ESRP1: variants seen among roughly 807,000 people sequenced by gnomAD.
The protein encoded by ESRP1 is epithelial splicing regulatory protein 1.
ESRP1 carries 33 observed loss-of-function variants against 81.7 expected under a neutral mutation model. The observed-to-expected ratio is 0.40, with a 90% CI of 0.31 to 0.54. The LOEUF (loss-of-function observed/expected upper bound fraction) is 0.54, where lower values mean the gene tolerates loss of function less well. Ranked by LOEUF, ESRP1 falls within the 20% of genes least tolerant of loss-of-function variation. The pLI is 0.41. For synonymous variants in ESRP1, 320 were observed against 303.3 expected (o/e 1.06, Z -0.57); for missense variants, 672 against 833.1 (o/e 0.81, Z 2.38).
chr8:94,692,700 T>C lies in ESRP1; in HGVS notation c.1844T>C (p.Leu615Pro). Residue 615 changes from leucine (L) to proline (P), a missense_variant, in exon 14 of 16, where the codon CTT (leucine) becomes CCT (proline). By Grantham distance (98) the Leu-to-Pro change is moderately conservative. Transcript: ENST00000433389. ...YPSPPGSPNS[L>P]GYFPTAANLS... Reference sequence around the variant, plus strand: ...AGCCCCCCAGGTTCGCCTAATAGTCTTGGCTACTTCCCTACAGCTGCTAAT... The same window carrying C: ...AGCCCCCCAGGTTCGCCTAATAGTCCTGGCTACTTCCCTACAGCTGCTAAT... The C allele has an allele frequency of 3.7e-6, 6 of 1,613,990 alleles. No homozygotes were observed. Among genetic ancestry groups the C allele is most frequent in the Non-Finnish European group, 5.1e-6 (6 of 1,179,876 alleles).
At position 94,689,811 on chromosome 8, in the gene ESRP1, C is replaced by CTTTTTTTTTTTTTTTTTT. The variant is rs58359551; in HGVS notation, c.1821-2858_1821-2841dup. Among the ~76,000 whole-genome samples the CTTTTTTTTTTTTTTTTTT allele has an allele frequency of 4.0e-3, 259 of 64,590 alleles. 19 individuals are homozygous for CTTTTTTTTTTTTTTTTTT. Among genetic ancestry groups the CTTTTTTTTTTTTTTTTTT allele is most frequent in the Non-Finnish European group, 5.5e-3 (185 of 33,622 alleles). 42.4% of individuals were successfully genotyped at this position (64,590 alleles called of 152,430 possible). Reference sequence around the variant, plus strand: ...CACAGGCATGTGCTATGATGCCTGGCTTTTTTTTTTTTTTTTTTTTTTTTT... The same window carrying CTTTTTTTTTTTTTTTTTT: ...CACAGGCATGTGCTATGATGCCTGGCTTTTTTTTTTTTTTTTTTTTTTTTTTTTTTTTTTTTTTTTTTT... On this transcript the variant is annotated intron_variant, in intron 13 of 15. Coordinates refer to ENST00000433389, the MANE Select transcript of ESRP1 (RefSeq NM_017697.4).
At chr8:94,674,948 A>ATT (rs139220933) in intron 12 of ESRP1, among the ~76,000 whole-genome samples, 1 of 152,192 alleles carries the variant, frequency 6.6e-6, no homozygotes, top group African/African-American at 2.4e-5. Flanking sequence ...AGCATCAAGT[A>ATT]TTTTTTTAAC....
intron 11 of ESRP1, among the ~76,000 whole-genome samples, chr8:94,673,028 A>G (rs974561367): frequency 3.3e-5 from 5 of 152,236 alleles, no homozygotes; most frequent in Non-Finnish European, 7.3e-5. Context: ...ACCATTGGAT[A>G]CAAGGAATCA....
chr8:94,704,776 A>AGG (rs1809994498), intron 15 of ESRP1, among the ~76,000 whole-genome samples: 11 of 130,920 alleles, frequency 8.4e-5, no homozygotes, highest in Non-Finnish European at 3.0e-5. Context: ...GAAAAAAAAA[A>AGG]AAAAAAAAAA....
chr8:94,704,398 T>C (rs1339181523), intron 15 of ESRP1, among the ~76,000 whole-genome samples: 1 of 152,040 alleles, frequency 6.6e-6, no homozygotes, highest in Non-Finnish European at 1.5e-5. Context: ...AGAGGAACAC[T>C]TGAGGCTGAG....
chr8:94,688,166 T>A (rs1463716485), intron 13 of ESRP1: 1 of 153,300 alleles, frequency 6.5e-6, no homozygotes, highest in African/African-American at 2.4e-5. Flanking sequence ...CTCTTTCCCA[T>A]CAAATTGCAT....
chr8:94,660,879 ATTG>A (rs989588040), intron 4 of ESRP1, among the ~76,000 whole-genome samples: 2 of 152,092 alleles, frequency 1.3e-5, no homozygotes, highest in African/African-American at 4.8e-5. Flanking sequence ...GGCAAACTTC[ATTG>A]TTGTCTTATT....
At chr8:94,699,930 A>G (rs1005029754) in intron 15 of ESRP1, among the ~76,000 whole-genome samples, 32 of 152,056 alleles carry the variant, frequency 2.1e-4, no homozygotes, top group Non-Finnish European at 4.6e-4. Flanking sequence ...CTCCTTATCA[A>G]TATCAAATTC....
At chr8:94,697,215 A>G (rs760878329) in intron 15 of ESRP1, among the ~76,000 whole-genome samples, 56 of 152,202 alleles carry the variant, frequency 3.7e-4, no homozygotes, top group Non-Finnish European at 6.8e-4. Flanking sequence ...TTAATTTACT[A>G]TCTCTCATGT....
intron 13 of ESRP1, among the ~76,000 whole-genome samples, chr8:94,686,183 C>A (rs1424617698): frequency 2.6e-5 from 4 of 152,192 alleles, no homozygotes; most frequent in Non-Finnish European, 4.4e-5. Flanking sequence ...CCCGCCTCGG[C>A]CTCCCAAAGT....
intron 15 of ESRP1, among the ~76,000 whole-genome samples, chr8:94,700,578 T>C (rs1381145139): frequency 4.6e-5 from 7 of 152,200 alleles, no homozygotes. Flanking sequence ...TACCTCTTAT[T>C]TTATGCCACC....
chr8:94,692,798 G>A lies in ESRP1; in HGVS notation c.1942G>A (p.Glu648Lys). The A allele has an allele frequency of 6.2e-7, 1 of 1,613,630 alleles. No individual in the cohort carries two copies. Among genetic ancestry groups the A allele is most frequent in the Non-Finnish European group, 8.5e-7 (1 of 1,179,776 alleles). Residue 648 changes from glutamate to lysine, a missense_variant, in exon 14 of 16, where the codon GAA (glutamate) becomes AAA (lysine). Physicochemically the swap from Glu to Lys is moderately conservative, Grantham distance 56. Coordinates refer to ENST00000433389, the MANE Select transcript of ESRP1 (RefSeq NM_017697.4). ...QGLAYNTGVKEILNFFQGYQY... is the reference protein window; with the variant it reads ...QGLAYNTGVKKILNFFQGYQY... The stretch of plus-strand genomic sequence containing the variant: ...CCTGGCCTACAATACTGGAGTTAAG[G>A]AAATTCTTAACTTCTTCCAAGGTTA...
chr8:94,688,641 C>A (rs1809243992), intron 13 of ESRP1: 1 of 191,902 alleles, frequency 5.2e-6, no homozygotes, highest in African/African-American at 2.4e-5. Flanking sequence ...AATAAAATGC[C>A]TCAACAGACA....
At chr8:94,676,990 T>TA (rs950667437) in intron 12 of ESRP1, among the ~76,000 whole-genome samples, 42 of 151,596 alleles carry the variant, frequency 2.8e-4, no homozygotes, top group Admixed American at 7.2e-4. Context: ...CTGTTTCTAC[T>TA]AAAAAAAAAT....
chr8:94,674,382 TA>T lies in ESRP1; in HGVS notation c.1535del (p.Asn512ThrfsTer2), dbSNP rs775950025. Reference protein sequence around the residue: ...RAFMAAQKCHKKNMKDRYVEV... With the variant: ...RAFMAAQKCHXKNMKDRYVEV... ...CATTTATGGCTGCACAGAAGTGTCA[TA>T]AAAAAAACATGAAGGACAGATATGT... On this transcript the variant is annotated frameshift_variant, in exon 12 of 16. Coordinates refer to ENST00000433389, the MANE Select transcript of ESRP1 (RefSeq NM_017697.4). LOFTEE classifies it high-confidence loss of function. The T allele has an allele frequency of 6.2e-7, 1 of 1,613,602 alleles. No homozygotes were observed. Among genetic ancestry groups the T allele is most frequent in the Non-Finnish European group, 8.5e-7 (1 of 1,179,712 alleles).
intron 6 of ESRP1, 105 bp downstream of exon 6, chr8:94,662,660 T>A: frequency 1.1e-6 from 1 of 933,596 alleles, no homozygotes. Flanking sequence ...CAGGCTGGAG[T>A]GCAGTGGCAC....
At chr8:94,663,582 G>A (rs1290497286) in intron 6 of ESRP1, among the ~76,000 whole-genome samples, 1 of 152,114 alleles carries the variant, frequency 6.6e-6, no homozygotes, top group African/African-American at 2.4e-5. Flanking sequence ...GAAATAGCTG[G>A]GGAGAAGTAT....
chr8:94,659,438 A>T (rs901496040), intron 4 of ESRP1, among the ~76,000 whole-genome samples: 2 of 152,160 alleles, frequency 1.3e-5, no homozygotes, highest in Non-Finnish European at 2.9e-5. Context: ...CGGCTGCTCC[A>T]ACTGGTGGTT....
chr8:94,705,633 A>C (rs7388010), intron 15 of ESRP1: 1 of 277,300 alleles, frequency 3.6e-6, no homozygotes. Flanking sequence ...CTGAGCAGGG[A>C]GTCGGAAACC....
Sources: allele counts gnomAD v4.1 joint callset (sites outside exome capture counted in the v4.1 genomes callset), GRCh38; gene constraint gnomAD v4.1.1; transcripts MANE v1.5; gene names NCBI Gene and HGNC (gene_info 2026-07-23, HGNC 2026-07-21).